The following SPC25 variants were observed in gnomAD, a reference collection of about 807,000 sequenced individuals.
SPC25 encodes SPC25 component of NDC80 kinetochore complex, also known as kinetochore protein Spc25.
Under a neutral mutation model 29.6 loss-of-function variants are expected in SPC25, and 22 were observed. That is an observed-to-expected ratio of 0.74 (90% CI 0.53 to 1.06). The LOEUF is 1.06. Among genes scored for constraint, SPC25 ranks in the 50% least tolerant of loss-of-function variants. The pLI is 0.00. For synonymous variants in SPC25, 91 were observed against 90.4 expected, an observed-to-expected ratio of 1.01 and a Z score of -0.04; for missense variants, 230 against 255.8, an observed-to-expected ratio of 0.90 and a Z score of 0.69.
At position 168,876,076 on chromosome 2, in the gene SPC25, A is replaced by T; in HGVS notation, c.447T>A (p.Ile149=). ...KDRLGLEIRK[I]YGEKLQFIFT... ...TATTTATATTAACAAACTTACCATAAATTTTTCGAATTTCTAGTCCAAGTC... is the reference window on the plus strand; with the variant it reads ...TATTTATATTAACAAACTTACCATATATTTTTCGAATTTCTAGTCCAAGTC... The change falls in exon 5 of 7, where the codon ATT becomes ATA. Residue 149 remains isoleucine, a synonymous_variant. Transcript: ENST00000282074. 6.6e-7 allele frequency: 1 copy of T among 1,517,616 alleles called. No homozygotes were observed. The highest frequency in any genetic ancestry group is 1.4e-5 in the African/African-American group (1 of 70,026). The allele number at this position is 1,517,616 out of a possible 1,614,324, so 94.0% of individuals were successfully genotyped here.
downstream of SPC25, among the ~76,000 whole-genome samples, chr2:168,869,116 T>G (rs187649829): frequency 3.1e-3 from 469 of 152,254 alleles, 4 homozygotes; most frequent in African/African-American, 0.01. Flanking sequence ...CACATAATTA[T>G]CTCAATAGAT....
At chr2:168,873,707 G>T in intron 5 of SPC25, 24 bp from the exon 6 acceptor site, 1 of 1,497,586 alleles carries the variant, frequency 6.7e-7, no homozygotes, top group Non-Finnish European at 9.3e-7. Flanking sequence ...AAACTATTTA[G>T]TGTGTCAAAG....
chr2:168,887,431 A>AAG (rs1559157967), intron 3 of SPC25, among the ~76,000 whole-genome samples: 6 of 133,452 alleles, frequency 4.5e-5, no homozygotes, highest in Admixed American at 7.3e-5. Flanking sequence ...CAAAAAAAAA[A>AAG]AAAGAAAGAA....
intron 4 of SPC25, chr2:168,863,410 G>T: frequency 2.0e-6 from 2 of 984,882 alleles, no homozygotes; most frequent in Non-Finnish European, 2.4e-6. Flanking sequence ...GTGAAAGGAA[G>T]ACTGAAAAAT....
chr2:168,866,711 T>G (rs1032661517), downstream of SPC25, among the ~76,000 whole-genome samples: 3 of 151,954 alleles, frequency 2.0e-5, no homozygotes, highest in Non-Finnish European at 4.4e-5. Context: ...TGGGAGAAAA[T>G]TTTTGCCACC....
At chr2:168,880,013 C>T (rs187253480) in intron 3 of SPC25, among the ~76,000 whole-genome samples, 22 of 152,286 alleles carry the variant, frequency 1.4e-4, no homozygotes, top group African/African-American at 4.3e-4. Flanking sequence ...CTAGGCTTTG[C>T]TATTCCATTT....
At chr2:168,862,114 C>G in intron 4 of SPC25, 1 of 1,445,914 alleles carries the variant, frequency 6.9e-7, no homozygotes. Context: ...TGAATAAAAC[C>G]CTGTCTTAGT....
chr2:168,878,067 A>T (rs1430388468), intron 3 of SPC25, among the ~76,000 whole-genome samples: 1 of 152,138 alleles, frequency 6.6e-6, no homozygotes, highest in Non-Finnish European at 1.5e-5. Context: ...ATGCTATATA[A>T]ATTATTCCGG....
chr2:168,863,670 GTGA>G, intron 4 of SPC25: 4 of 25,782 alleles, frequency 1.6e-4, no homozygotes, highest in Non-Finnish European at 1.7e-4. Flanking sequence ...GTGCAAAGCT[GTGA>G]GTGAGTTAAA....
intron 3 of SPC25, among the ~76,000 whole-genome samples, chr2:168,877,618 A>G (rs2105827308): frequency 6.6e-6 from 1 of 152,340 alleles, no homozygotes; most frequent in African/African-American, 2.4e-5. Flanking sequence ...AAATGAGAAT[A>G]CCAAATTAAA....
At chr2:168,881,051 C>G (rs889784705) in intron 3 of SPC25, among the ~76,000 whole-genome samples, 1 of 152,186 alleles carries the variant, frequency 6.6e-6, no homozygotes, top group Non-Finnish European at 1.5e-5. Context: ...TTGCTTGACA[C>G]ATGGTTGCCA....
At chr2:168,871,623 T>C in intron 6 of SPC25, 68 bp from the exon 7 acceptor site, 1 of 1,383,838 alleles carries the variant, frequency 7.2e-7, no homozygotes, top group Non-Finnish European at 9.7e-7. Flanking sequence ...GAAGTATTTC[T>C]AATCTAGATG....
chr2:168,880,935 C>T (rs1690168520), intron 3 of SPC25, among the ~76,000 whole-genome samples: 2 of 152,108 alleles, frequency 1.3e-5, no homozygotes, highest in South Asian at 4.1e-4. Context: ...GATCATAGAG[C>T]ACCACAAGAA....
downstream of SPC25, among the ~76,000 whole-genome samples, chr2:168,866,691 A>G (rs1197887952): frequency 6.6e-6 from 1 of 152,242 alleles, no homozygotes; most frequent in African/African-American, 2.4e-5. Context: ...TGAACAGGCA[A>G]CCTACAGAAT....
Position 168,871,344 on chromosome 2 carries a change from T to TA in SPC25, c.*86dup, listed in dbSNP as rs1689979470. On this transcript the variant is annotated 3_prime_UTR_variant, in exon 7 of 7. Coordinates refer to ENST00000282074, the MANE Select transcript of SPC25 (RefSeq NM_020675.4). ...CATTGTGCACATGTACCCTAAAACT[T>TA]AAAGTATAATAATAATAAAAACAAG... is the stretch of plus-strand genomic sequence containing the variant. The TA allele has an allele frequency of 7.8e-7, 1 of 1,282,836 alleles. No individual in the cohort carries two copies. The highest frequency in any genetic ancestry group is 2.8e-5 in the Admixed American group (1 of 35,162). The allele number at this position is 1,282,836 out of a possible 1,614,324, so 79.5% of individuals were successfully genotyped here.
At chr2:168,879,419 C>T (rs79213189) in intron 3 of SPC25, among the ~76,000 whole-genome samples, 5,172 of 152,306 alleles carry the variant, frequency 0.034, 284 homozygotes, top group African/African-American at 0.11. Context: ...CATAAAACCA[C>T]TTTCTTTGCT....
downstream of SPC25, among the ~76,000 whole-genome samples, chr2:168,868,422 C>T (rs200446013): frequency 6.6e-6 from 1 of 151,860 alleles, no homozygotes; most frequent in Non-Finnish European, 1.5e-5. Context: ...CAGGAGCTGG[C>T]TTTTTGAAAA....
intron 3 of SPC25, among the ~76,000 whole-genome samples, chr2:168,878,883 A>G (rs1038721966): frequency 1.3e-5 from 2 of 152,216 alleles, no homozygotes; most frequent in African/African-American, 4.8e-5. Flanking sequence ...GATCACTGTG[A>G]TAAAGCGAAT....
At chr2:168,864,820 CTG>C (rs755688570) in intron 4 of SPC25, 36 of 1,613,282 alleles carry the variant, frequency 2.2e-5, no homozygotes, top group Non-Finnish European at 2.8e-5. Flanking sequence ...ATTTGTCTAA[CTG>C]TATTTTCACA....
Sources: allele counts gnomAD v4.1 joint callset (sites outside exome capture counted in the v4.1 genomes callset), GRCh38; gene constraint gnomAD v4.1.1; transcripts MANE v1.5; gene names NCBI Gene and HGNC (gene_info 2026-07-23, HGNC 2026-07-21).